The following KCNU1 variants were observed in gnomAD, a reference collection of about 807,000 sequenced individuals.
KCNU1 encodes potassium channel subfamily U member 1.
In KCNU1, 93 loss-of-function variants were observed where a neutral mutation model predicts 126.8. The observed-to-expected ratio is 0.73, with a 90% CI of 0.62 to 0.87. The LOEUF (loss-of-function observed/expected upper bound fraction) is 0.87, where lower values mean the gene tolerates loss of function less well. Ranked by LOEUF, KCNU1 falls within the 40% of genes least tolerant of loss-of-function variation. The probability of loss-of-function intolerance (pLI) is 0.00; values close to 1 mark genes in which losing one functional copy is unlikely to be tolerated. For missense variants in KCNU1, 1,330 were observed against 1,367.1 expected (o/e 0.97, Z 0.43); for synonymous variants, 523 against 494.2 (o/e 1.06, Z -0.77).
chr8:36,881,544 G>A (rs953457288), intron 19 of KCNU1, among the ~76,000 whole-genome samples: 3 of 152,026 alleles, frequency 2.0e-5, no homozygotes, highest in African/African-American at 7.2e-5. Flanking sequence ...AACTTTTTAA[G>A]AGGAGGGGGA....
At chr8:36,867,837 G>A (rs924557935) in intron 19 of KCNU1, among the ~76,000 whole-genome samples, 1 of 152,138 alleles carries the variant, frequency 6.6e-6, no homozygotes. Flanking sequence ...CATCTAAAGG[G>A]AGAATGGATC....
At chr8:36,914,672 A>C (rs997159942) in intron 22 of KCNU1, among the ~76,000 whole-genome samples, 1 of 152,178 alleles carries the variant, frequency 6.6e-6, no homozygotes, top group Non-Finnish European at 1.5e-5. Flanking sequence ...GGACATCTCC[A>C]TGGGAAATTT....
intron 6 of KCNU1, 60 bp from the exon 7 acceptor site, chr8:36,808,658 G>A (rs944337133): frequency 2.0e-6 from 2 of 982,880 alleles, no homozygotes; most frequent in Non-Finnish European, 1.6e-6. Flanking sequence ...TAGAGGATGA[G>A]GTGTTTGTGT....
intron 2 of KCNU1, among the ~76,000 whole-genome samples, chr8:36,803,170 T>C (rs1803372946): frequency 6.6e-6 from 1 of 152,092 alleles, no homozygotes; most frequent in African/African-American, 2.4e-5. Flanking sequence ...AACCTAGAAA[T>C]GGTTAATAGA....
At chr8:36,893,155 G>A (rs554548601) in intron 19 of KCNU1, among the ~76,000 whole-genome samples, 13 of 113,622 alleles carry the variant, frequency 1.1e-4, no homozygotes, top group Non-Finnish European at 2.5e-4. Flanking sequence ...TTTTTTTTTT[G>A]TAAAGATGAG....
chr8:36,795,459 G>A (rs1289815724), intron 2 of KCNU1: 2 of 152,486 alleles, frequency 1.3e-5, no homozygotes, highest in Admixed American at 6.5e-5. Context: ...GGGGCACAGG[G>A]ACTTGGTAGA....
At chr8:36,787,975 G>T (rs1802774666) in intron 2 of KCNU1, among the ~76,000 whole-genome samples, 1 of 151,382 alleles carries the variant, frequency 6.6e-6, no homozygotes, top group Non-Finnish European at 1.5e-5. Flanking sequence ...TGAGCGTTTG[G>T]TTCTCCTTAT....
chr8:36,918,685 A>G (rs1437883355), intron 22 of KCNU1, 138 bp from the exon 23 acceptor site: 1 of 642,906 alleles, frequency 1.6e-6, no homozygotes, highest in Non-Finnish European at 2.8e-6. Flanking sequence ...TTGTCTAAAC[A>G]TAGTAAAGGA....
rs376000760 is a variant in KCNU1, at chr8:36,905,518, CTA to C, written c.2010-188_2010-187del. ...CCCAAAATGCTTAGAGTGTCTTCAA[CTA>C]TGATACAGTCTGGGCTCTTTGTGCT... On this transcript the variant is annotated intron_variant, in intron 19 of 26. Transcript: ENST00000399881. 2.8e-3 allele frequency among the ~76,000 whole-genome samples: 417 copies of C among 150,928 alleles called. 4 individuals are homozygous for C. The highest frequency in any genetic ancestry group is 9.8e-3 in the African/African-American group (403 of 41,130).
At chr8:36,796,346 G>A (rs1486548556) in intron 2 of KCNU1, among the ~76,000 whole-genome samples, 4 of 152,030 alleles carry the variant, frequency 2.6e-5, no homozygotes, top group Admixed American at 2.6e-4. Flanking sequence ...ACCATGTAAT[G>A]GTATTTTGAA....
intron 10 of KCNU1, among the ~76,000 whole-genome samples, chr8:36,822,140 G>T (rs1273940093): frequency 2.0e-5 from 3 of 151,950 alleles, no homozygotes; most frequent in African/African-American, 7.3e-5. Context: ...ACAGTATGCC[G>T]GTTATGCCAG....
chr8:36,885,076 T>C (rs1373776755), intron 19 of KCNU1, among the ~76,000 whole-genome samples: 2 of 152,158 alleles, frequency 1.3e-5, no homozygotes, highest in African/African-American at 4.8e-5. Flanking sequence ...AATATTTACA[T>C]GATAACTGGG....
chr8:36,896,636 G>A (rs560372883), intron 19 of KCNU1, among the ~76,000 whole-genome samples: 4 of 152,104 alleles, frequency 2.6e-5, no homozygotes, highest in Admixed American at 2.6e-4. Flanking sequence ...TTTACCCCTG[G>A]AACTCTGAGA....
At chr8:36,889,189 TC>T (rs769619861) in intron 19 of KCNU1, 21 of 534,390 alleles carry the variant, frequency 3.9e-5, no homozygotes, top group African/African-American at 3.8e-4. Flanking sequence ...AACTACCAGT[TC>T]TTTATTGGTG....
At chr8:36,840,346 T>A in intron 14 of KCNU1, 117 bp from the exon 15 acceptor site, 1 of 606,596 alleles carries the variant, frequency 1.6e-6, no homozygotes, top group Non-Finnish European at 3.0e-6. Context: ...ATAAATCTCT[T>A]TTTTATGACT....
intron 8 of KCNU1, 80 bp downstream of exon 8, chr8:36,814,457 A>G: frequency 1.9e-6 from 2 of 1,051,042 alleles, no homozygotes; most frequent in Non-Finnish European, 2.9e-6. Context: ...ATGAAACAAT[A>G]TAGGTTTAAG....
intron 19 of KCNU1, among the ~76,000 whole-genome samples, chr8:36,895,930 T>C (rs1407112408): frequency 6.6e-6 from 1 of 152,030 alleles, no homozygotes; most frequent in Admixed American, 6.6e-5. Context: ...TATTATAGAA[T>C]CTTATGCTCT....
rs865885087 is a variant in KCNU1, at chr8:36,932,829, T to G, written c.2932-91T>G. 5.5e-6 allele frequency: 4 copies of G among 724,416 alleles called. No individual in the cohort carries two copies. The Middle Eastern group carries it at 9.5e-4, about 172-fold the overall frequency. The allele number at this position is 724,416 out of a possible 1,614,324, so 44.9% of individuals were successfully genotyped here. ...AGGAAATGGCTTTCCAAGCTTCTAC[T>G]ACCAGATAAAGCAAACGACACTCCA... On this transcript the variant is annotated intron_variant, in intron 25 of 26. Coordinates refer to ENST00000399881, the MANE Select transcript of KCNU1 (RefSeq NM_001031836.3).
At chr8:36,913,095 A>G (rs1000012784) in intron 22 of KCNU1, among the ~76,000 whole-genome samples, 2 of 151,858 alleles carry the variant, frequency 1.3e-5, no homozygotes, top group Non-Finnish European at 2.9e-5. Context: ...TGTTATTACT[A>G]TTATTGAAAT....
Sources: allele counts gnomAD v4.1 joint callset (sites outside exome capture counted in the v4.1 genomes callset), GRCh38; gene constraint gnomAD v4.1.1; transcripts MANE v1.5; gene names NCBI Gene and HGNC (gene_info 2026-07-23, HGNC 2026-07-21).